AOPEP: variants seen among roughly 807,000 people sequenced by gnomAD.
The protein encoded by AOPEP is aminopeptidase O (putative).
In AOPEP, 77 loss-of-function variants were observed where a neutral mutation model predicts 98.1. The ratio of observed to expected loss-of-function variants is 0.78; its 90% CI spans 0.65 to 0.95. AOPEP has a LOEUF of 0.95. Among genes scored for constraint, AOPEP ranks in the 40% least tolerant of loss-of-function variants. AOPEP has a pLI of 0.00. For synonymous variants in AOPEP, 346 were observed against 365.3 expected, an observed-to-expected ratio of 0.95 and a Z score of 0.60; for missense variants, 1,024 against 1,024.7, an observed-to-expected ratio of 1.00 and a Z score of 0.01.
At chr9:94,819,087 C>T (rs988653428) in intron 5 of AOPEP, among the ~76,000 whole-genome samples, 3 of 152,228 alleles carry the variant, frequency 2.0e-5, no homozygotes, top group African/African-American at 7.2e-5. Context: ...ACTAGACTAT[C>T]CAAGCCCTAT....
intron 3 of AOPEP, among the ~76,000 whole-genome samples, chr9:94,791,887 C>T (rs941393385): frequency 3.3e-5 from 5 of 152,146 alleles, no homozygotes; most frequent in South Asian, 4.1e-4. Flanking sequence ...ATAGCAGATG[C>T]TCGGAAAATA....
chr9:94,961,783 G>A (rs1312283188), intron 9 of AOPEP, among the ~76,000 whole-genome samples: 3 of 152,074 alleles, frequency 2.0e-5, no homozygotes, highest in African/African-American at 7.2e-5. Flanking sequence ...TTTCTTCAAG[G>A]CGGGATTCCT....
intron 5 of AOPEP, among the ~76,000 whole-genome samples, chr9:94,878,170 T>C (rs1280111954): frequency 1.3e-5 from 2 of 151,240 alleles, no homozygotes; most frequent in Non-Finnish European, 1.5e-5. Flanking sequence ...GATAAAAGAT[T>C]AGAGGAAAAA....
the AOPEP span, among the ~76,000 whole-genome samples, chr9:95,107,841 C>G: frequency 6.6e-6 from 1 of 152,140 alleles, no homozygotes; most frequent in Non-Finnish European, 1.5e-5. Context: ...TCTGTTCATA[C>G]GTGTTTAATG....
At chr9:94,996,379 T>A (rs886101706) in intron 11 of AOPEP, among the ~76,000 whole-genome samples, 5 of 146,422 alleles carry the variant, frequency 3.4e-5, no homozygotes, top group African/African-American at 1.3e-4. Context: ...TGTGTGTGTG[T>A]GTGTGTGTGT....
chr9:94,896,097 A>T (rs2049518814), intron 5 of AOPEP, among the ~76,000 whole-genome samples: 1 of 152,226 alleles, frequency 6.6e-6, no homozygotes, highest in Non-Finnish European at 1.5e-5. Context: ...CAAAATTATC[A>T]TTATTTTCGG....
intron 1 of AOPEP, among the ~76,000 whole-genome samples, chr9:94,747,245 C>T (rs1451766982): frequency 1.3e-5 from 2 of 152,178 alleles, no homozygotes; most frequent in Non-Finnish European, 2.9e-5. Flanking sequence ...TATCATACCA[C>T]ATGTGGTAAT....
chr9:94,966,955 G>C (rs180771967), intron 9 of AOPEP, among the ~76,000 whole-genome samples: 3 of 152,194 alleles, frequency 2.0e-5, no homozygotes. Flanking sequence ...GTAAATAAGA[G>C]ATATTTACTA....
chr9:95,104,245 A>G, the AOPEP span, among the ~76,000 whole-genome samples: 6 of 152,212 alleles, frequency 3.9e-5, no homozygotes, highest in African/African-American at 1.4e-4. Context: ...ACGTGTCAAT[A>G]AAGATGGTTT....
At chr9:95,120,998 TG>T in the AOPEP span, among the ~76,000 whole-genome samples, 2 of 152,136 alleles carry the variant, frequency 1.3e-5, no homozygotes, top group African/African-American at 2.4e-5. Flanking sequence ...TGAGGGCAGC[TG>T]GGGGGAGGCA....
At chr9:94,973,508 C>T (rs1237225602) in intron 10 of AOPEP, among the ~76,000 whole-genome samples, 1 of 152,212 alleles carries the variant, frequency 6.6e-6, no homozygotes, top group Non-Finnish European at 1.5e-5. Flanking sequence ...CATATTCTCT[C>T]CCCTGCCGTG....
chr9:95,138,211 C>A, the AOPEP span, among the ~76,000 whole-genome samples: 1 of 152,338 alleles, frequency 6.6e-6, no homozygotes, highest in African/African-American at 2.4e-5. Flanking sequence ...GAAGCCAGGG[C>A]GGCTGAGGTT....
At chr9:94,797,016 A>C (rs563271119) in intron 4 of AOPEP, among the ~76,000 whole-genome samples, 1 of 152,226 alleles carries the variant, frequency 6.6e-6, no homozygotes, top group Admixed American at 6.5e-5. Context: ...TGATTATTTG[A>C]AAGAAGAATC....
chr9:94,839,088 CTTT>C (rs35760706), intron 5 of AOPEP, among the ~76,000 whole-genome samples: 11 of 121,194 alleles, frequency 9.1e-5, no homozygotes, highest in Admixed American at 1.7e-4. Flanking sequence ...TTTTTGTATT[CTTT>C]TTTTTTTTTT....
chr9:94,810,481 GT>G (rs1850300301), intron 5 of AOPEP, among the ~76,000 whole-genome samples: 1 of 151,638 alleles, frequency 6.6e-6, no homozygotes. Flanking sequence ...CACCTGGCTC[GT>G]TTTTGTATTT....
chr9:94,729,577 A>T (rs1284912177), intron 1 of AOPEP, among the ~76,000 whole-genome samples: 5 of 31,714 alleles, frequency 1.6e-4, no homozygotes, highest in Non-Finnish European at 2.7e-4. Flanking sequence ...CACTGTCTTT[A>T]AAAAAAAAAA....
At chr9:94,741,521 T>C (rs1833119149) in intron 1 of AOPEP, among the ~76,000 whole-genome samples, 1 of 152,112 alleles carries the variant, frequency 6.6e-6, no homozygotes, top group Non-Finnish European at 1.5e-5. Context: ...TCTGCCCGTC[T>C]CGGCCTCCCA....
intron 13 of AOPEP, among the ~76,000 whole-genome samples, chr9:95,047,321 T>C (rs1300148362): frequency 6.6e-6 from 1 of 152,246 alleles, no homozygotes; most frequent in African/African-American, 2.4e-5. Flanking sequence ...TGATTTTTTT[T>C]AACCTTTCAC....
At chr9:95,088,424 G>A (rs1455732190), downstream of AOPEP, among the ~76,000 whole-genome samples, 1 of 152,054 alleles carries the variant, frequency 6.6e-6, no homozygotes, top group African/African-American at 2.4e-5. Flanking sequence ...GGTCAGGCTG[G>A]TCTCGAACTC....
Sources: gnomAD v4.1 joint callset for allele counts (sites outside exome capture counted in the v4.1 genomes callset) on GRCh38, gnomAD v4.1.1 for gene constraint, MANE v1.5 for transcripts, NCBI Gene and HGNC (gene_info 2026-07-23, HGNC 2026-07-21) for gene names.